DOCK8: variants seen among roughly 807,000 people sequenced by gnomAD.
DOCK8 encodes dedicator of cytokinesis protein 8.
Under a neutral mutation model 245.6 loss-of-function variants are expected in DOCK8, and 141 were observed. That is an observed-to-expected ratio of 0.57 (90% CI 0.50 to 0.66). The LOEUF is 0.66. Ranked by LOEUF, DOCK8 falls within the 30% of genes least tolerant of loss-of-function variation. The pLI is 0.00. For missense variants in DOCK8, 2,965 were observed against 2,603.4 expected (o/e 1.14, Z -3.02); for synonymous variants, 1,168 against 970.2 (o/e 1.20, Z -3.79).
chr9:245,408 A>G lies in DOCK8; in HGVS notation c.54-26219A>G, dbSNP rs187184705. Among the ~76,000 whole-genome samples the G allele has an allele frequency of 2.2e-4, 34 of 152,156 alleles. No individual in the cohort carries two copies. The South Asian group carries it at 3.1e-3, about 14-fold the overall frequency. On this transcript the variant is annotated intron_variant, in intron 1 of 47. Transcript: ENST00000432829. Reference sequence around the variant, plus strand: ...TTTTTTGTACAGATGGTGTTTCACCATGTTGGCCAGGCTGGTCTCGAACTC... The same window carrying G: ...TTTTTTGTACAGATGGTGTTTCACCGTGTTGGCCAGGCTGGTCTCGAACTC...
intron 2 of DOCK8, among the ~76,000 whole-genome samples, chr9:278,115 TAAAAG>T (rs2048430051): frequency 1.3e-5 from 2 of 152,238 alleles, no homozygotes; most frequent in African/African-American, 4.8e-5. Flanking sequence ...CAATGGAAGA[TAAAAG>T]GAAAGAGTGG....
In DOCK8 at chr9:245,960, C is replaced by G. The variant is rs1021581876; in HGVS notation, c.54-25667C>G. On this transcript the variant is annotated intron_variant, in intron 1 of 47. Transcript: ENST00000432829. The stretch of plus-strand genomic sequence containing the variant: ...TCTGGCTGGGCATGGTGGCTCACAC[C>G]TGTAACCCCAGCACTTTGGGAGGCC... 1.1e-4 allele frequency among the ~76,000 whole-genome samples: 16 copies of G among 152,296 alleles called. No homozygotes were observed. In the East Asian group the frequency reaches 2.9e-3, roughly 28 times the overall value.
rs1263083461 is a variant in DOCK8, at chr9:463,743, C to T, written c.6239+56C>T. ...GTGGGATAAAGAGCAGCGCATGGGG[C>T]CTAGCACCTTGGGGCATGCTCTGCT... On this transcript the variant is annotated intron_variant, in intron 47 of 47. Transcript: ENST00000432829. 12 of 1,600,854 alleles carry T rather than the reference C, an allele frequency of 7.5e-6. No individual in the cohort carries two copies. In the Admixed American group the frequency reaches 1.2e-4, roughly 16 times the overall value.
At chr9:462,580 C>G (rs773756525) in intron 46 of DOCK8, among the ~76,000 whole-genome samples, 15 of 152,224 alleles carry the variant, frequency 9.9e-5, no homozygotes, top group Non-Finnish European at 2.2e-4. Context: ...GCCCCTTCCC[C>G]TCAGCCCATA....
chr9:446,316 G>T (rs2057257496), intron 43 of DOCK8, 54 bp from the exon 44 acceptor site: 7 of 1,478,304 alleles, frequency 4.7e-6, no homozygotes, highest in Non-Finnish European at 5.7e-6. Flanking sequence ...TTGCGTCAGG[G>T]ATGGCCGTTT....
Position 445,553 on chromosome 9 carries a change from C to G in DOCK8, c.5581-817C>G, listed in dbSNP as rs146129420. Among the ~76,000 whole-genome samples, 71 of 152,348 alleles carry G rather than the reference C, an allele frequency of 4.7e-4. 1 individual carries two copies. The highest frequency in any genetic ancestry group is 1.7e-3 in the African/African-American group (70 of 41,582). ...GTTTAGTTCTATGAGTTTTGACAAA[C>G]ACATGTGACTACCTTCATAACCAAG... On this transcript the variant is annotated intron_variant, in intron 43 of 47. Transcript: ENST00000432829.
Position 303,773 on chromosome 9 carries a change from C to G in DOCK8, c.405-808C>G, listed in dbSNP as rs566995104. The stretch of plus-strand genomic sequence containing the variant: ...AATTTACCCATGTAATGAATTTGCA[C>G]ATGTATCCCTTGAACCTAAAATAAA... On this transcript the variant is annotated intron_variant, in intron 4 of 47. Coordinates refer to ENST00000432829, the MANE Select transcript of DOCK8 (RefSeq NM_203447.4). 2.6e-5 allele frequency among the ~76,000 whole-genome samples: 4 copies of G among 152,244 alleles called. No individual in the cohort carries two copies. The South Asian group carries it at 8.3e-4, about 32-fold the overall frequency.
chr9:269,242 A>G (rs902113142), intron 1 of DOCK8, among the ~76,000 whole-genome samples: 2 of 152,210 alleles, frequency 1.3e-5, no homozygotes, highest in East Asian at 1.9e-4. Flanking sequence ...TTAGGTGACC[A>G]CAAATCTACT....
At chr9:217,599 T>A (rs1002853167) in intron 1 of DOCK8, among the ~76,000 whole-genome samples, 5 of 152,200 alleles carry the variant, frequency 3.3e-5, no homozygotes, top group African/African-American at 7.2e-5. Context: ...CTCTGTGTGT[T>A]GTGTGGGAGA....
intron 15 of DOCK8, chr9:369,137 A>G (rs2053166549): frequency 6.7e-6 from 1 of 150,090 alleles, no homozygotes; most frequent in Non-Finnish European, 1.5e-5. Flanking sequence ...AAAGAAAAAA[A>G]TCCTTTCTCT....
At position 465,126 on chromosome 9, in the gene DOCK8, T is replaced by C. The variant is rs2057930518; in HGVS notation, c.*907T>C. The C allele has an allele frequency of 6.6e-6, 1 of 152,640 alleles. No homozygotes were observed. The highest frequency in any genetic ancestry group is 2.4e-5 in the African/African-American group (1 of 41,450). The allele number at this position is 152,640 out of a possible 1,614,324, so 9.5% of individuals were successfully genotyped here. A position where few individuals can be genotyped will look rare whatever the true frequency, so the allele number is the denominator to read the frequency against. On this transcript the variant is annotated 3_prime_UTR_variant, in exon 48 of 48. Transcript: ENST00000432829. ...TATCAGCTACAAAATATATTCAACT[T>C]TGACTTCTTTTGACAAAGGACTTTA...
chr9:439,001 C>T (rs1316266788), intron 39 of DOCK8, among the ~76,000 whole-genome samples: 20 of 152,140 alleles, frequency 1.3e-4, no homozygotes, highest in Admixed American at 1.3e-3. Flanking sequence ...AGGTAAGTGT[C>T]CTTTATACAA....
intron 46 of DOCK8, 129 bp from the exon 47 acceptor site, chr9:463,387 AT>A (rs2057866052): frequency 9.4e-7 from 1 of 1,063,870 alleles, no homozygotes; most frequent in South Asian, 1.5e-5. Context: ...TCCACAGGTG[AT>A]CCCGATATGC....
intron 46 of DOCK8, among the ~76,000 whole-genome samples, chr9:461,499 A>G (rs1385180455): frequency 2.1e-5 from 2 of 95,422 alleles, no homozygotes; most frequent in African/African-American, 4.1e-5. Context: ...TAACCTTTCC[A>G]TTGAGTTTTT....
chr9:238,243 C>T (rs914095743), intron 1 of DOCK8, among the ~76,000 whole-genome samples: 3 of 152,176 alleles, frequency 2.0e-5, no homozygotes, highest in Non-Finnish European at 2.9e-5. Flanking sequence ...TCCATCCCAG[C>T]TCCACTGATT....
At chr9:285,951 A>G (rs934551196) in intron 2 of DOCK8, among the ~76,000 whole-genome samples, 1 of 152,106 alleles carries the variant, frequency 6.6e-6, no homozygotes, top group African/African-American at 2.4e-5. Context: ...ACTGTCAGCT[A>G]TGATTATATA....
intron 26 of DOCK8, among the ~76,000 whole-genome samples, chr9:400,309 GTCACCACCACCT>G (rs2054824199): frequency 1.4e-4 from 1 of 7,186 alleles, no homozygotes; most frequent in African/African-American, 1.5e-3. Flanking sequence ...CATCTTCACC[GTCACCACCACCT>G]CCACCACCAC....
intron 28 of DOCK8, among the ~76,000 whole-genome samples, chr9:410,159 T>A (rs975034692): frequency 1.2e-4 from 19 of 152,182 alleles, no homozygotes; most frequent in African/African-American, 4.6e-4. Flanking sequence ...ATAAAGAACC[T>A]GAATCCTAAG....
At chr9:331,255 C>T (rs1204229485) in intron 9 of DOCK8, among the ~76,000 whole-genome samples, 1 of 152,172 alleles carries the variant, frequency 6.6e-6, no homozygotes, top group Non-Finnish European at 1.5e-5. Context: ...TGGTCAGTTT[C>T]TAGCTCAAGT....
Sources: allele counts gnomAD v4.1 joint callset (sites outside exome capture counted in the v4.1 genomes callset), GRCh38; gene constraint gnomAD v4.1.1; transcripts MANE v1.5; gene names NCBI Gene and HGNC (gene_info 2026-07-23, HGNC 2026-07-21).